PBX3: variants seen among roughly 807,000 people sequenced by gnomAD.
PBX3 encodes pre-B-cell leukemia transcription factor 3.
Under a neutral mutation model 48.5 loss-of-function variants are expected in PBX3, and 14 were observed. The observed-to-expected ratio is 0.29, with a 90% CI of 0.19 to 0.45. PBX3 has a LOEUF of 0.45. Ranked by LOEUF, PBX3 falls within the 20% of genes least tolerant of loss-of-function variation. The pLI, the probability that PBX3 is intolerant of heterozygous loss-of-function variation, is 1.00. For missense variants in PBX3, 386 were observed against 546.7 expected (o/e 0.71, Z 2.93); for synonymous variants, 210 against 200.3 (o/e 1.05, Z -0.41).
intron 2 of PBX3, among the ~76,000 whole-genome samples, chr9:125,780,006 G>A (rs866429056): frequency 2.8e-5 from 4 of 143,778 alleles, no homozygotes; most frequent in African/African-American, 1.0e-4. Context: ...TCCCAGTAGG[G>A]GCAGCCGGGC....
In PBX3 at chr9:125,812,621, C is replaced by T. The variant is rs146331982; in HGVS notation, c.274+63998C>T. Among the ~76,000 whole-genome samples, 4 of 152,296 alleles carry T rather than the reference C, an allele frequency of 2.6e-5. No homozygotes were observed. In the South Asian group the frequency reaches 6.2e-4, roughly 24 times the overall value. On this transcript the variant is annotated intron_variant, in intron 2 of 8. Coordinates refer to ENST00000373489, the MANE Select transcript of PBX3 (RefSeq NM_006195.6). ...CTGTTTTACGCTTTTGCGTGGGTTA[C>T]GAATACAGTCGTGTCACTTAATGGC...
intron 2 of PBX3, among the ~76,000 whole-genome samples, chr9:125,781,009 G>C (rs1306559247): frequency 4.4e-5 from 4 of 91,880 alleles, no homozygotes; most frequent in East Asian, 3.6e-4. Flanking sequence ...GATGGCGGCC[G>C]GGCAGAGACG....
At chr9:125,899,859 C>G (rs751149973) in intron 2 of PBX3, among the ~76,000 whole-genome samples, 6 of 151,470 alleles carry the variant, frequency 4.0e-5, no homozygotes, top group Non-Finnish European at 8.9e-5. Context: ...TTTTGTAAAA[C>G]TGTGTTGATA....
At chr9:125,774,386 T>G (rs1837017910) in intron 2 of PBX3, among the ~76,000 whole-genome samples, 1 of 152,208 alleles carries the variant, frequency 6.6e-6, no homozygotes, top group Admixed American at 6.5e-5. Context: ...ATGTCACCTA[T>G]TAAGCAGTCA....
intron 2 of PBX3, among the ~76,000 whole-genome samples, chr9:125,758,684 T>C (rs1290180294): frequency 2.0e-5 from 3 of 152,158 alleles, no homozygotes; most frequent in Admixed American, 6.5e-5. Flanking sequence ...TGCTGAACTT[T>C]AATGCAGCAT....
chr9:125,878,612 G>T (rs972870622), intron 2 of PBX3, among the ~76,000 whole-genome samples: 2 of 152,210 alleles, frequency 1.3e-5, no homozygotes, highest in Non-Finnish European at 2.9e-5. Flanking sequence ...TCATTTGCAA[G>T]TTGAAAGGTA....
chr9:125,949,673 T>TGAAAA (rs1842146256), intron 5 of PBX3, among the ~76,000 whole-genome samples: 1 of 152,222 alleles, frequency 6.6e-6, no homozygotes, highest in Admixed American at 6.5e-5. Context: ...TCTGGATTTT[T>TGAAAA]GAAAAGAAAA....
At chr9:125,854,607 A>T (rs1199244364) in intron 2 of PBX3, among the ~76,000 whole-genome samples, 1 of 152,148 alleles carries the variant, frequency 6.6e-6, no homozygotes, top group Non-Finnish European at 1.5e-5. Context: ...TAGTGAATGA[A>T]TGTGTTTCAT....
intron 5 of PBX3, among the ~76,000 whole-genome samples, chr9:125,944,548 C>CAAAT (rs913545042): frequency 6.6e-6 from 1 of 152,106 alleles, no homozygotes; most frequent in African/African-American, 2.4e-5. Flanking sequence ...CACACAGGCA[C>CAAAT]AAATGGATGC....
chr9:125,923,507 G>A (rs1035199915), intron 3 of PBX3, among the ~76,000 whole-genome samples: 11 of 152,042 alleles, frequency 7.2e-5, no homozygotes, highest in Admixed American at 3.9e-4. Flanking sequence ...GGTGGCTTAC[G>A]TCTATAAATA....
intron 2 of PBX3, among the ~76,000 whole-genome samples, chr9:125,806,206 G>A (rs1427138217): frequency 2.0e-5 from 3 of 152,086 alleles, no homozygotes; most frequent in African/African-American, 7.2e-5. Context: ...TCAGGCAGAA[G>A]GAAGAGCAAA....
intron 3 of PBX3, among the ~76,000 whole-genome samples, chr9:125,929,152 G>C (rs1424031836): frequency 6.6e-6 from 1 of 152,166 alleles, no homozygotes; most frequent in Non-Finnish European, 1.5e-5. Context: ...ATATCTTCCT[G>C]TTAGTCTTTG....
chr9:125,933,187 AG>A (rs1478286139), intron 4 of PBX3, among the ~76,000 whole-genome samples: 2 of 152,252 alleles, frequency 1.3e-5, no homozygotes. Context: ...TGAGAAGGCA[AG>A]GGGCTCTGCT....
At chr9:125,751,709 A>T (rs948451005) in intron 2 of PBX3, among the ~76,000 whole-genome samples, 2 of 152,238 alleles carry the variant, frequency 1.3e-5, no homozygotes, top group Non-Finnish European at 2.9e-5. Flanking sequence ...TAAACCAAGT[A>T]ACCAGTGAGA....
chr9:125,917,984 G>A (rs16928492), intron 3 of PBX3, among the ~76,000 whole-genome samples: 1,665 of 152,246 alleles, frequency 0.011, 29 homozygotes, highest in African/African-American at 0.039. Flanking sequence ...AGTCATGGTT[G>A]AAAAGGTTGC....
chr9:125,945,113 A>G lies in PBX3; in HGVS notation c.843+9506A>G, dbSNP rs559399591. Among the ~76,000 whole-genome samples the G allele has an allele frequency of 2.0e-5, 3 of 152,144 alleles. No individual in the cohort carries two copies. In the South Asian group the frequency reaches 6.2e-4, roughly 32 times the overall value. ...GTGGCGCATGCCGGTGGTTCTAGCTACTCAGGAGGCTGAGGCAGGAGAATT... is the reference window on the plus strand; with the variant it reads ...GTGGCGCATGCCGGTGGTTCTAGCTGCTCAGGAGGCTGAGGCAGGAGAATT... On this transcript the variant is annotated intron_variant, in intron 5 of 8. Coordinates refer to ENST00000373489, the MANE Select transcript of PBX3 (RefSeq NM_006195.6).
Position 125,768,449 on chromosome 9 carries a change from AC to A in PBX3, c.274+19827del, listed in dbSNP as rs751635247. 7.9e-5 allele frequency among the ~76,000 whole-genome samples: 12 copies of A among 152,208 alleles called. No individual in the cohort carries two copies. In the East Asian group the frequency reaches 9.6e-4, roughly 12 times the overall value. On this transcript the variant is annotated intron_variant, in intron 2 of 8. Transcript: ENST00000373489. ...TGAACAATCGAAACAAATTCTTAAAACGTTAAGTTAATTTAAAAATTAAAAT... is the reference window on the plus strand; with the variant it reads ...TGAACAATCGAAACAAATTCTTAAAAGTTAAGTTAATTTAAAAATTAAAAT...
intron 2 of PBX3, among the ~76,000 whole-genome samples, chr9:125,785,767 A>G (rs1313765055): frequency 6.6e-6 from 1 of 152,210 alleles, no homozygotes; most frequent in Admixed American, 6.5e-5. Context: ...CCAGAAACAA[A>G]CATAGTTCTT....
chr9:125,943,352 C>CAAAAAAAAAAAAAAAAAAAAAAAAA (rs60326557), intron 5 of PBX3, among the ~76,000 whole-genome samples: 2 of 60,870 alleles, frequency 3.3e-5, no homozygotes, highest in Admixed American at 2.2e-4. Context: ...GAGACTGTCT[C>CAAAAAAAAAAAAAAAAAAAAAAAAA]AAAAAAAAAA....
Sources: gnomAD v4.1 joint callset for allele counts (sites outside exome capture counted in the v4.1 genomes callset) on GRCh38, gnomAD v4.1.1 for gene constraint, MANE v1.5 for transcripts, NCBI Gene and HGNC (gene_info 2026-07-23, HGNC 2026-07-21) for gene names.